The following MAP4 variants were observed in gnomAD, a reference collection of about 807,000 sequenced individuals.
The protein encoded by MAP4 is microtubule associated protein 4.
MAP4 carries 76 observed loss-of-function variants against 170.2 expected under a neutral mutation model. The ratio of observed to expected loss-of-function variants is 0.45; its 90% CI spans 0.37 to 0.54. The LOEUF (loss-of-function observed/expected upper bound fraction) is 0.54, where lower values mean the gene tolerates loss of function less well. MAP4 is among the 20% of genes least tolerant of loss of function. MAP4 has a pLI of 0.00. For missense variants in MAP4, 2,506 were observed against 2,748.0 expected (o/e 0.91, Z 1.97); for synonymous variants, 909 against 994.5 (o/e 0.91, Z 1.62).
chr3:47,985,711 T>C (rs2100088243), intron 2 of MAP4, among the ~76,000 whole-genome samples: 1 of 152,004 alleles, frequency 6.6e-6, no homozygotes, highest in Non-Finnish European at 1.5e-5. Flanking sequence ...ATTAAGGTCA[T>C]GAAAGACAAA....
At chr3:48,066,822 CTTTTTTTTTTTTTTTTTTTTTTTT>C (rs55939839) in intron 1 of MAP4, among the ~76,000 whole-genome samples, 4 of 65,770 alleles carry the variant, frequency 6.1e-5, no homozygotes, top group African/African-American at 1.9e-4. Context: ...TCTCTAATTC[CTTTTTTTTTTTTTTTTTTTTTTTT>C]TTTTTTTTTT....
chr3:48,013,501 GGGC>G (rs1285621535), intron 1 of MAP4: 1 of 152,044 alleles, frequency 6.6e-6, no homozygotes, highest in Non-Finnish European at 1.5e-5. Context: ...TCACCTTTCA[GGGC>G]TGAGTTCTCT....
In MAP4 at chr3:47,941,621, C is replaced by A. The variant is rs974413672; in HGVS notation, c.293-13271G>T. Among the ~76,000 whole-genome samples the A allele has an allele frequency of 4.5e-3, 610 of 135,992 alleles. 6 individuals carry two copies. The highest frequency in any genetic ancestry group is 0.016 in the African/African-American group (575 of 34,904). The allele number at this position is 135,992 out of a possible 152,430, so 89.2% of individuals were successfully genotyped here. ...TAAAACACAGTCTCTACTAAAAAAA[C>A]AAAAACAAAAAAAAAAAAAACTGGG... is the stretch of plus-strand genomic sequence containing the variant. On this transcript the variant is annotated intron_variant, in intron 3 of 20. Coordinates refer to ENST00000683076, the MANE Select transcript of MAP4 (RefSeq NM_001385682.1).
chr3:48,030,824 AGAT>A (rs1393283977), intron 1 of MAP4, among the ~76,000 whole-genome samples: 1 of 146,746 alleles, frequency 6.8e-6, no homozygotes, highest in Non-Finnish European at 1.5e-5. Flanking sequence ...AAAAAAAAAA[AGAT>A]AGGGGTAACT....
At chr3:48,038,695 C>T (rs1283011478) in intron 1 of MAP4, among the ~76,000 whole-genome samples, 3 of 152,118 alleles carry the variant, frequency 2.0e-5, no homozygotes, top group East Asian at 3.9e-4. Context: ...CTCCTGACCT[C>T]GTGATCCGCC....
chr3:47,903,532 CAAA>C (rs983850258), intron 9 of MAP4, among the ~76,000 whole-genome samples: 7 of 56,004 alleles, frequency 1.2e-4, no homozygotes, highest in South Asian at 5.3e-4. Flanking sequence ...GACTCCGTCT[CAAA>C]AAAAAAAAAA....
At chr3:47,995,250 C>CTT (rs67017707) in intron 2 of MAP4, among the ~76,000 whole-genome samples, 40 of 112,220 alleles carry the variant, frequency 3.6e-4, no homozygotes, top group African/African-American at 9.3e-4. Context: ...TTTTTCTTTT[C>CTT]TTTTTTTTTT....
intron 2 of MAP4, among the ~76,000 whole-genome samples, chr3:47,980,529 T>C (rs748032793): frequency 6.6e-6 from 1 of 152,198 alleles, no homozygotes; most frequent in Non-Finnish European, 1.5e-5. Flanking sequence ...GAAAAGATCA[T>C]TCATTCTGTT....
At chr3:47,963,958 C>T (rs2100073247) in intron 3 of MAP4, among the ~76,000 whole-genome samples, 1 of 152,202 alleles carries the variant, frequency 6.6e-6, no homozygotes, top group African/African-American at 2.4e-5. Flanking sequence ...AAGGGAAGAA[C>T]ATTCCAGGCA....
At chr3:47,892,450 C>T (rs754257976) in intron 10 of MAP4, 15 of 1,535,504 alleles carry the variant, frequency 9.8e-6, no homozygotes, top group Non-Finnish European at 1.2e-5. Context: ...GCTGACCGTA[C>T]GCGGCAGTGA....
intron 3 of MAP4, among the ~76,000 whole-genome samples, chr3:47,941,941 G>A (rs955866710): frequency 6.6e-6 from 1 of 152,126 alleles, no homozygotes; most frequent in Admixed American, 6.5e-5. Flanking sequence ...TTGATAAATA[G>A]ATATAACCCT....
chr3:47,959,927 A>G (rs950608616), intron 3 of MAP4, among the ~76,000 whole-genome samples: 1 of 151,786 alleles, frequency 6.6e-6, no homozygotes, highest in Admixed American at 6.6e-5. Flanking sequence ...CAGTGGTGCA[A>G]TCTTGGTTCA....
intron 1 of MAP4, among the ~76,000 whole-genome samples, chr3:48,051,116 A>ACACG (rs2100127594): frequency 6.6e-6 from 1 of 151,392 alleles, no homozygotes; most frequent in African/African-American, 2.4e-5. Flanking sequence ...ACACACACAC[A>ACACG]CACACACACA....
intron 2 of MAP4, among the ~76,000 whole-genome samples, chr3:47,997,402 A>AT (rs1157790987): frequency 6.6e-6 from 1 of 150,954 alleles, no homozygotes; most frequent in African/African-American, 2.4e-5. Context: ...ATTTTTAAAT[A>AT]TTTTTAAATG....
chr3:48,029,363 G>A (rs1250179039), intron 1 of MAP4, among the ~76,000 whole-genome samples: 1 of 152,102 alleles, frequency 6.6e-6, no homozygotes, highest in Non-Finnish European at 1.5e-5. Context: ...TAAAACCCAG[G>A]AGGCGGAGGC....
intron 1 of MAP4, among the ~76,000 whole-genome samples, chr3:48,072,092 G>C (rs1411225973): frequency 6.6e-6 from 1 of 151,774 alleles, no homozygotes; most frequent in Admixed American, 6.6e-5. Flanking sequence ...CCAGCTACTC[G>C]GGAGGCTGAT....
At chr3:47,852,990 G>A (rs763063383) in intron 20 of MAP4, 52 bp from the exon 21 acceptor site, 10 of 1,614,186 alleles carry the variant, frequency 6.2e-6, no homozygotes, top group Non-Finnish European at 7.6e-6. Context: ...GAGACAAGAG[G>A]GGAACACGGG....
chr3:48,031,917 A>C (rs1179543414), intron 1 of MAP4, among the ~76,000 whole-genome samples: 1 of 152,078 alleles, frequency 6.6e-6, no homozygotes, highest in Non-Finnish European at 1.5e-5. Flanking sequence ...ACACAGACAT[A>C]AATCATGCTG....
At chr3:47,903,215 T>C (rs2100031063) in intron 9 of MAP4, among the ~76,000 whole-genome samples, 1 of 152,098 alleles carries the variant, frequency 6.6e-6, no homozygotes, top group Non-Finnish European at 1.5e-5. Flanking sequence ...TGTGCTTCCC[T>C]TCACAAAAAA....
Sources: allele counts gnomAD v4.1 joint callset (sites outside exome capture counted in the v4.1 genomes callset), GRCh38; gene constraint gnomAD v4.1.1; transcripts MANE v1.5; gene names NCBI Gene and HGNC (gene_info 2026-07-23, HGNC 2026-07-21).